FMO1: variants seen among roughly 807,000 people sequenced by gnomAD.
FMO1 encodes the protein flavin-containing monooxygenase 1.
FMO1 carries 36 observed loss-of-function variants against 45.4 expected under a neutral mutation model. The ratio of observed to expected loss-of-function variants is 0.79; its 90% CI spans 0.61 to 1.05. The LOEUF is 1.05. Ranked by LOEUF, FMO1 falls within the 50% of genes least tolerant of loss-of-function variation. The pLI, the probability that FMO1 is intolerant of heterozygous loss-of-function variation, is 0.00. For missense variants in FMO1, 615 were observed against 640.3 expected (o/e 0.96, Z 0.43); for synonymous variants, 228 against 227.2 (o/e 1.00, Z -0.03).
intron 1 of FMO1, among the ~76,000 whole-genome samples, chr1:171,252,715 T>C (rs1028444372): frequency 6.6e-6 from 1 of 152,204 alleles, no homozygotes; most frequent in African/African-American, 2.4e-5. Context: ...ACAGGTGCAC[T>C]GTGCTCACCA....
At chr1:171,278,562 C>G (rs1383611176) in intron 4 of FMO1, among the ~76,000 whole-genome samples, 167 bp from the exon 5 acceptor site, 2 of 152,106 alleles carry the variant, frequency 1.3e-5, no homozygotes, top group Admixed American at 6.6e-5. Flanking sequence ...AAATAATTAC[C>G]TGCCAATGTC....
chr1:171,249,101 A>G (rs1172079547), intron 1 of FMO1, among the ~76,000 whole-genome samples: 2 of 151,948 alleles, frequency 1.3e-5, no homozygotes, highest in Admixed American at 6.6e-5. Flanking sequence ...GAATTTGACT[A>G]ATCTGTTCTG....
intron 2 of FMO1, among the ~76,000 whole-genome samples, chr1:171,262,877 G>A (rs929174372): frequency 6.6e-6 from 1 of 152,132 alleles, no homozygotes; most frequent in African/African-American, 2.4e-5. Context: ...CCTCCAGTGA[G>A]AGTCTGACTC....
chr1:171,270,810 A>G (rs1660825082), intron 3 of FMO1: 14 of 768,482 alleles, frequency 1.8e-5, no homozygotes, highest in Non-Finnish European at 2.7e-5. Context: ...TAGTGTGTTA[A>G]CTTTATAAAA....
chr1:171,267,611 T>C lies in FMO1; in HGVS notation c.201T>C (p.Ser67=), dbSNP rs762897404. 6.2e-7 allele frequency: 1 copy of C among 1,613,928 alleles called. No individual in the cohort carries two copies. The highest frequency in any genetic ancestry group is 1.7e-5 in the Admixed American group (1 of 60,018). The change falls in exon 3 of 9, where the codon TCT becomes TCC. Residue 67 remains serine (S), a synonymous_variant. Coordinates refer to ENST00000617670, the MANE Select transcript of FMO1 (RefSeq NM_001282693.2). The part of the protein sequence containing the change: ...SVVSNSCKEM[S]CYSDFPFPED... ...TTTCCAACAGCTGCAAGGAGATGTC[T>C]TGTTACTCAGACTTTCCATTCCCAG...
At chr1:171,257,874 T>C (rs1660224173) in intron 1 of FMO1, 1 of 538,336 alleles carries the variant, frequency 1.9e-6, no homozygotes, top group Non-Finnish European at 3.3e-6. Context: ...GCACTGGTGC[T>C]GCATGAGGGG....
At chr1:171,270,990 C>A in intron 3 of FMO1, 1 of 915,816 alleles carries the variant, frequency 1.1e-6, no homozygotes, top group Non-Finnish European at 1.7e-6. Context: ...CTTCATCTAC[C>A]TCCTCATCAT....
chr1:171,257,980 C>T (rs1424048019), intron 1 of FMO1, 102 bp from the exon 2 acceptor site: 1 of 1,348,962 alleles, frequency 7.4e-7, no homozygotes, highest in East Asian at 2.3e-5. Context: ...TCAAACTGAG[C>T]AAATCGCCTA....
chr1:171,264,007 A>G (rs1195784737), intron 2 of FMO1, among the ~76,000 whole-genome samples: 1 of 152,168 alleles, frequency 6.6e-6, no homozygotes, highest in African/African-American at 2.4e-5. Context: ...GAGAGACAAG[A>G]GTAAGTATTG....
In FMO1 at chr1:171,278,889, C is replaced by G; in HGVS notation, c.627+18C>G. 2 of 1,582,912 alleles carry G rather than the reference C, an allele frequency of 1.3e-6. No individual in the cohort carries two copies. The highest frequency in any genetic ancestry group is 1.7e-6 in the Non-Finnish European group (2 of 1,161,502). On this transcript the variant is annotated intron_variant, in intron 5 of 8. Coordinates refer to ENST00000617670, the MANE Select transcript of FMO1 (RefSeq NM_001282693.2). ...CGGAAAAGGTACATTCCTGATGTTA[C>G]TGGGTGAAGAGCTTTATCTTAAGAT...
chr1:171,262,501 C>T (rs755481940), intron 2 of FMO1, among the ~76,000 whole-genome samples: 38 of 152,294 alleles, frequency 2.5e-4, no homozygotes, highest in Middle Eastern at 6.8e-3. Flanking sequence ...CGCACATGCA[C>T]GCTTTCATTT....
At chr1:171,258,865 G>T (rs574266679) in intron 2 of FMO1, among the ~76,000 whole-genome samples, 14 of 152,092 alleles carry the variant, frequency 9.2e-5, no homozygotes, top group African/African-American at 2.9e-4. Flanking sequence ...GAGGACCGAG[G>T]AAAGGGGACT....
chr1:171,253,172 T>C (rs1367834587), intron 1 of FMO1, among the ~76,000 whole-genome samples: 1 of 152,174 alleles, frequency 6.6e-6, no homozygotes, highest in Admixed American at 6.5e-5. Flanking sequence ...TCTTTCCCTC[T>C]CTTTCTTCTA....
intron 6 of FMO1, among the ~76,000 whole-genome samples, chr1:171,281,706 T>C (rs757922958): frequency 7.2e-5 from 11 of 152,190 alleles, no homozygotes; most frequent in Non-Finnish European, 1.5e-4. Flanking sequence ...CAGTGACAGA[T>C]GAATGCTAAA....
Position 171,282,314 on chromosome 1 carries a change from G to T in FMO1, c.1164G>T (p.Trp388Cys). The change falls in exon 7 of 9, where the codon TGG becomes TGT. Residue 388 changes from tryptophan to cysteine, a missense_variant. By Grantham distance (215) the Trp-to-Cys change is radical. Coordinates refer to ENST00000617670, the MANE Select transcript of FMO1 (RefSeq NM_001282693.2). ...CTACAGGAGAAACACAAGCTCGGTG[G>T]GCTGTTCGAGTCCTGAAAGGTAAGT... ...MIPTGETQAR[W>C]AVRVLKGVNK... The T allele has an allele frequency of 6.2e-7, 1 of 1,610,894 alleles. No individual in the cohort carries two copies. Among genetic ancestry groups the T allele is most frequent in the Non-Finnish European group, 8.5e-7 (1 of 1,177,746 alleles).
At chr1:171,278,502 G>A (rs1169425486) in intron 4 of FMO1, among the ~76,000 whole-genome samples, 1 of 152,018 alleles carries the variant, frequency 6.6e-6, no homozygotes, top group African/African-American at 2.4e-5. Context: ...TAACTATCTA[G>A]TAAGTAAAAC....
intron 1 of FMO1, among the ~76,000 whole-genome samples, chr1:171,255,536 G>A (rs1660110018): frequency 6.6e-6 from 1 of 152,148 alleles, no homozygotes; most frequent in African/African-American, 2.4e-5. Flanking sequence ...TCAGCAGTGG[G>A]TACCTGAAAC....
chr1:171,264,396 T>A (rs926696201), intron 2 of FMO1, among the ~76,000 whole-genome samples: 2 of 149,824 alleles, frequency 1.3e-5, no homozygotes, highest in African/African-American at 4.9e-5. Flanking sequence ...GAGAGAAAAA[T>A]TATATTTTGG....
At position 171,282,544 on chromosome 1, in the gene FMO1, T is replaced by A. The variant is rs28360424; in HGVS notation, c.1183+211T>A. 1.6e-3 allele frequency: 731 copies of A among 448,194 alleles called. 1 individual carries two copies. The highest frequency in any genetic ancestry group is 4.0e-3 in the African/African-American group (202 of 50,760). 27.8% of individuals were successfully genotyped at this position (448,194 alleles called of 1,614,324 possible). A position where few individuals can be genotyped will look rare whatever the true frequency, so the allele number is the denominator to read the frequency against. On this transcript the variant is annotated intron_variant, in intron 7 of 8. Transcript: ENST00000617670. ...ATATCAGGGTCAAAAATATATATAT[T>A]TTTTTGATATACCAAAAATATAACA...
Sources: allele counts gnomAD v4.1 joint callset (sites outside exome capture counted in the v4.1 genomes callset), GRCh38; gene constraint gnomAD v4.1.1; transcripts MANE v1.5; gene names NCBI Gene and HGNC (gene_info 2026-07-23, HGNC 2026-07-21).